Variants in SPATA21 observed in about 807,000 individuals in gnomAD.
SPATA21 encodes spermatogenesis-associated protein 21.
Under a neutral mutation model 54.8 loss-of-function variants are expected in SPATA21, and 47 were observed. That is an observed-to-expected ratio of 0.86 (90% confidence interval 0.68 to 1.09). SPATA21 has a LOEUF of 1.09. SPATA21 is among the 50% of genes least tolerant of loss of function. SPATA21 has a pLI of 0.00. For synonymous variants in SPATA21, 245 were observed against 235.3 expected, an observed-to-expected ratio of 1.04 and a Z score of -0.38; for missense variants, 599 against 596.4, an observed-to-expected ratio of 1.00 and a Z score of -0.05.
At chr1:16,426,525 T>C (rs1436484811) in intron 3 of SPATA21, among the ~76,000 whole-genome samples, 9 of 146,550 alleles carry the variant, frequency 6.1e-5, no homozygotes, top group African/African-American at 2.0e-4. Context: ...TCCCAAAGTG[T>C]TGAGATTACA....
chr1:16,424,228 G>A (rs1557668434), intron 3 of SPATA21, among the ~76,000 whole-genome samples: 13 of 2,870 alleles, frequency 4.5e-3, no homozygotes, highest in Non-Finnish European at 5.7e-3. Context: ...CAGGAGAATG[G>A]CATGAACCTG....
intron 7 of SPATA21, 70 bp from the exon 8 acceptor site, chr1:16,405,174 C>T: frequency 6.5e-7 from 1 of 1,544,658 alleles, no homozygotes; most frequent in Non-Finnish European, 8.7e-7. Context: ...ATTACCCCAA[C>T]CACCCTCCTG....
Position 16,400,798 on chromosome 1 carries a change from G to A in SPATA21, c.1096C>T (p.Pro366Ser), listed in dbSNP as rs759714659. The A allele has an allele frequency of 5.5e-5, 88 of 1,611,966 alleles. No homozygotes were observed. The East Asian group carries it at 1.9e-3, about 36-fold the overall frequency. ...RLRLQKLPYNPQQEESSEVPE... is the reference protein window; with the variant it reads ...RLRLQKLPYNSQQEESSEVPE... ...ACTTCTGAGCTCTCTTCTTGCTGGGGGTTGTAGGGAAGCTTCTGCAACCGC... is the reference window on the plus strand; with the variant it reads ...ACTTCTGAGCTCTCTTCTTGCTGGGAGTTGTAGGGAAGCTTCTGCAACCGC... The change falls in exon 11 of 13, where the codon CCC becomes TCC. Residue 366 changes from proline to serine, a missense_variant. Pro to Ser is a moderately conservative substitution (Grantham distance 74). Transcript: ENST00000335496.
chr1:16,422,591 G>A (rs1344693090), intron 3 of SPATA21, among the ~76,000 whole-genome samples: 1 of 150,364 alleles, frequency 6.7e-6, no homozygotes, highest in African/African-American at 2.5e-5. Flanking sequence ...TTGTAGCCTT[G>A]ACCTCCTGAG....
chr1:16,412,212 C>G (rs1285831631), intron 5 of SPATA21, among the ~76,000 whole-genome samples: 1 of 152,128 alleles, frequency 6.6e-6, no homozygotes, highest in South Asian at 2.1e-4. Context: ...CCCTAAAAGT[C>G]ATCCTGCTGC....
intron 3 of SPATA21, chr1:16,427,747 G>C: frequency 9.2e-7 from 1 of 1,085,816 alleles, no homozygotes; most frequent in Non-Finnish European, 1.3e-6. Context: ...AGGACAAGGT[G>C]CTGTCGTGGG....
At chr1:16,411,362 T>G (rs1212652764) in intron 5 of SPATA21, among the ~76,000 whole-genome samples, 1 of 152,090 alleles carries the variant, frequency 6.6e-6, no homozygotes, top group East Asian at 1.9e-4. Context: ...AATATTTTAA[T>G]TTTTTGTAGA....
At chr1:16,408,914 C>T (rs372661903) in intron 7 of SPATA21, among the ~76,000 whole-genome samples, 1 of 151,106 alleles carries the variant, frequency 6.6e-6, no homozygotes, top group Non-Finnish European at 1.5e-5. Context: ...TCTGGCCCCC[C>T]CAACCCAGCA....
At chr1:16,426,584 T>TA in intron 3 of SPATA21, among the ~76,000 whole-genome samples, 1 of 131,212 alleles carries the variant, frequency 7.6e-6, no homozygotes, top group Non-Finnish European at 1.6e-5. Context: ...TATATATTTT[T>TA]TTTTTTTTTT....
rs1321131967 is a variant in SPATA21, at chr1:16,400,821, C to T, written c.1073G>A (p.Arg358Gln). 1.3e-5 allele frequency: 21 copies of T among 1,613,312 alleles called. 1 individual carries two copies. In the Middle Eastern group the frequency reaches 4.9e-4, roughly 38 times the overall value. Residue 358 changes from arginine to glutamine, a missense_variant, in exon 11 of 13, where the codon CGG becomes CAG. Transcript: ENST00000335496. ...QEMEAAVGRL[R>Q]LQKLPYNPQQ... ...GGGGTTGTAGGGAAGCTTCTGCAAC[C>T]GCAGCCGGCCTACGGCCGCTTCCAT... is the stretch of plus-strand genomic sequence containing the variant.
At chr1:16,426,148 G>T (rs79047858) in intron 3 of SPATA21, among the ~76,000 whole-genome samples, 1 of 152,066 alleles carries the variant, frequency 6.6e-6, no homozygotes, top group African/African-American at 2.4e-5. Flanking sequence ...TGAGCCTAAG[G>T]TCATAAAGCT....
Position 16,410,032 on chromosome 1 carries a change from G to A in SPATA21, c.156C>T (p.Asp52=), listed in dbSNP as rs2085789860. 6.4e-7 allele frequency: 1 copy of A among 1,561,810 alleles called. No individual in the cohort carries two copies. Among genetic ancestry groups the A allele is most frequent in the Non-Finnish European group, 8.6e-7 (1 of 1,157,874 alleles). ...PGPLPPPEVR[D]IGERREPDRA... ...GGTCTGGCTCCCGCCTCTCTCCAAT[G>A]TCCCTCACCTCCTGGGGACAGGGGA... Residue 52 remains aspartate (D), a synonymous_variant, in exon 6 of 13, where the codon GAC becomes GAT. Coordinates refer to ENST00000335496, the MANE Select transcript of SPATA21 (RefSeq NM_198546.1).
At chr1:16,404,872 A>T in intron 8 of SPATA21, 95 bp downstream of exon 8, 1 of 1,344,732 alleles carries the variant, frequency 7.4e-7, no homozygotes. Flanking sequence ...CAAGCACAGG[A>T]TCCTTTAGGT....
At chr1:16,425,756 C>G (rs1421274531) in intron 3 of SPATA21, 6 of 1,536,890 alleles carry the variant, frequency 3.9e-6, no homozygotes, top group Admixed American at 2.0e-5. Context: ...CAAAGTGACA[C>G]TTTAGCTCCC....
rs368880857 is a variant in SPATA21, at chr1:16,422,011, A to G, written c.35-40T>C. The G allele has an allele frequency of 5.9e-4, 951 of 1,613,894 alleles. 1 individual carries two copies. Among genetic ancestry groups the G allele is most frequent in the Non-Finnish European group, 7.6e-4 (894 of 1,180,004 alleles). ...GACATTGGGGGCATTGCTTCCTGAG[A>G]GCTGTCCCCATGTCCCCCTGGGCTG... On this transcript the variant is annotated intron_variant, in intron 3 of 12. Coordinates refer to ENST00000335496, the MANE Select transcript of SPATA21 (RefSeq NM_198546.1).
At position 16,410,040 on chromosome 1, in the gene SPATA21, CCTCCTGGGGACAGGGGAGGG is replaced by C; in HGVS notation, c.145-17_147del. 1 of 1,553,134 alleles carries C rather than the reference CCTCCTGGGGACAGGGGAGGG, an allele frequency of 6.4e-7. No individual in the cohort carries two copies. Among genetic ancestry groups the C allele is most frequent in the Non-Finnish European group, 8.7e-7 (1 of 1,154,090 alleles). ...TCCCGCCTCTCTCCAATGTCCCTCA[CCTCCTGGGGACAGGGGAGGG>C]GATCCAGGAGGCCTCTAGTGGGCCA... On this transcript the variant is annotated splice_acceptor_variant and splice_polypyrimidine_tract_variant and coding_sequence_variant and intron_variant, in exon 6 of 13. Coordinates refer to ENST00000335496, the MANE Select transcript of SPATA21 (RefSeq NM_198546.1). LOFTEE classifies it high-confidence loss of function.
chr1:16,399,810 T>C (rs7522506), intron 11 of SPATA21, among the ~76,000 whole-genome samples: 20,763 of 152,170 alleles, frequency 0.14, 1,676 homozygotes, highest in African/African-American at 0.21. Context: ...GTGATGGGTG[T>C]TGGCAAAGTC....
intron 1 of SPATA21, among the ~76,000 whole-genome samples, chr1:16,435,016 C>T (rs1446284192): frequency 1.3e-5 from 2 of 152,092 alleles, no homozygotes; most frequent in Non-Finnish European, 2.9e-5. Context: ...CACCACCACA[C>T]CTGGCTAATT....
At chr1:16,429,409 C>T (rs929339431) in intron 3 of SPATA21, among the ~76,000 whole-genome samples, 2 of 151,948 alleles carry the variant, frequency 1.3e-5, no homozygotes, top group Non-Finnish European at 1.5e-5. Context: ...TGGGAGCAGG[C>T]GTGAGCCATG....
Sources: gnomAD v4.1 joint callset for allele counts (sites outside exome capture counted in the v4.1 genomes callset) on GRCh38, gnomAD v4.1.1 for gene constraint, MANE v1.5 for transcripts, NCBI Gene and HGNC (gene_info 2026-07-23, HGNC 2026-07-21) for gene names.